MAST4: variants seen among roughly 807,000 people sequenced by gnomAD.
The protein encoded by MAST4 is microtubule-associated serine/threonine-protein kinase 4.
In MAST4, 89 loss-of-function variants were observed where a neutral mutation model predicts 162.7. That is an observed-to-expected ratio of 0.55 (90% CI 0.46 to 0.65). The LOEUF is 0.65. Among genes scored for constraint, MAST4 ranks in the 30% least tolerant of loss-of-function variants. The pLI, the probability that MAST4 is intolerant of heterozygous loss-of-function variation, is 0.00. For synonymous variants in MAST4, 1,479 were observed against 1,361.1 expected, an observed-to-expected ratio of 1.09 and a Z score of -1.91; for missense variants, 3,153 against 3,374.0, an observed-to-expected ratio of 0.93 and a Z score of 1.62.
At position 67,114,195 on chromosome 5, in the gene MAST4, G is replaced by A. The variant is rs1766601158; in HGVS notation, c.1567G>A (p.Gly523Arg). Residue 523 changes from glycine to arginine, a missense_variant, in exon 12 of 29, where the codon GGA becomes AGA. By Grantham distance (125) the Gly-to-Arg change is moderately radical. Coordinates refer to ENST00000403625, the MANE Select transcript of MAST4 (RefSeq NM_001164664.2). ...TCCCAGGTACATCATTAGCCAACTGGGACTCAATAAGGATCCCTTGGAAGG... is the reference window on the plus strand; with the variant it reads ...TCCCAGGTACATCATTAGCCAACTGAGACTCAATAAGGATCCCTTGGAAGG... The part of the protein sequence containing the change: ...DIPRYIISQL[G>R]LNKDPLEEMA... The A allele has an allele frequency of 6.2e-7, 1 of 1,611,406 alleles. No homozygotes were observed.
intron 4 of MAST4, chr5:66,986,468 A>G (rs1254908412): frequency 1.9e-6 from 3 of 1,573,808 alleles, no homozygotes; most frequent in Admixed American, 1.8e-5. Flanking sequence ...ATGCTGGGAG[A>G]ACATCACCCC....
intron 1 of MAST4, among the ~76,000 whole-genome samples, chr5:66,749,174 A>T (rs1752975936): frequency 6.6e-6 from 1 of 152,110 alleles, no homozygotes; most frequent in South Asian, 2.1e-4. Flanking sequence ...ATCACTTGTT[A>T]CTGAGTGTGT....
intron 1 of MAST4, among the ~76,000 whole-genome samples, chr5:66,745,955 G>A (rs754144843): frequency 1.4e-4 from 22 of 152,156 alleles, no homozygotes; most frequent in Non-Finnish European, 2.4e-4. Context: ...GAATACTGCG[G>A]GACTGCAGGA....
At chr5:66,816,892 A>G (rs1238663638) in intron 3 of MAST4, among the ~76,000 whole-genome samples, 1 of 152,126 alleles carries the variant, frequency 6.6e-6, no homozygotes, top group Non-Finnish European at 1.5e-5. Context: ...TTGTGGCCTT[A>G]GTTTTTTTGA....
At chr5:66,644,046 T>TA (rs11329809) in intron 1 of MAST4, among the ~76,000 whole-genome samples, 81,740 of 151,498 alleles carry the variant, frequency 0.54, 22,269 homozygotes, top group South Asian at 0.67. Flanking sequence ...CTGTAAGCTT[T>TA]AAAAAAAATC....
At chr5:66,932,358 A>T (rs1742277033) in intron 4 of MAST4, among the ~76,000 whole-genome samples, 1 of 152,132 alleles carries the variant, frequency 6.6e-6, no homozygotes, top group Non-Finnish European at 1.5e-5. Flanking sequence ...TCCATAGAAG[A>T]CTTCAGTTTC....
rs959628603 is a variant in MAST4 at position 66,927,106 on chromosome 5, A to G, written c.674+27124A>G. Among the ~76,000 whole-genome samples, 7 of 152,334 alleles carry G rather than the reference A, an allele frequency of 4.6e-5. No homozygotes were observed. The East Asian group carries it at 5.8e-4, about 13-fold the overall frequency. On this transcript the variant is annotated intron_variant, in intron 4 of 28. Transcript: ENST00000403625. Reference sequence around the variant, plus strand: ...TTCCTCTCGTTTTCTTTTATCATTAAAGGGTTTGGCTTTCTTCTCCAGCTT... The same window carrying G: ...TTCCTCTCGTTTTCTTTTATCATTAGAGGGTTTGGCTTTCTTCTCCAGCTT...
At chr5:67,158,021 C>T (rs1057223749) in intron 26 of MAST4, among the ~76,000 whole-genome samples, 1 of 152,192 alleles carries the variant, frequency 6.6e-6, no homozygotes, top group African/African-American at 2.4e-5. Context: ...TGGTTCTGCA[C>T]GTCCACTCTC....
chr5:66,844,210 G>C (rs977141739), intron 3 of MAST4, among the ~76,000 whole-genome samples: 10 of 146,896 alleles, frequency 6.8e-5, no homozygotes, highest in African/African-American at 2.5e-4. Context: ...GGGGCGGGGG[G>C]ATTATGGGTT....
intron 1 of MAST4, among the ~76,000 whole-genome samples, chr5:66,636,470 T>C (rs561613230): frequency 5.9e-5 from 9 of 152,140 alleles, no homozygotes; most frequent in Non-Finnish European, 1.0e-4. Context: ...AAAGCAAATA[T>C]GTGAGGGAGG....
At chr5:67,069,185 ATTTTC>A (rs1442215208) in intron 5 of MAST4, among the ~76,000 whole-genome samples, 1 of 150,944 alleles carries the variant, frequency 6.6e-6, no homozygotes, top group Non-Finnish European at 1.5e-5. Context: ...TTTCAGGTTA[ATTTTC>A]TTAAAGTTTT....
chr5:66,655,065 A>T (rs539000919), intron 1 of MAST4, among the ~76,000 whole-genome samples: 1 of 152,152 alleles, frequency 6.6e-6, no homozygotes, highest in Non-Finnish European at 1.5e-5. Context: ...TTTTGCATTC[A>T]TTCCTTGGTT....
intron 1 of MAST4, among the ~76,000 whole-genome samples, chr5:66,612,715 G>A (rs558283770): frequency 7.2e-4 from 109 of 152,276 alleles, no homozygotes; most frequent in African/African-American, 2.5e-3. Context: ...GGATTTATCT[G>A]TAAATCCTGA....
intron 3 of MAST4, among the ~76,000 whole-genome samples, chr5:66,851,193 A>G (rs190397333): frequency 1.8e-4 from 27 of 152,288 alleles, no homozygotes; most frequent in Middle Eastern, 3.4e-3. Flanking sequence ...TTATCTGTCT[A>G]TTATGTCCAA....
At chr5:66,715,276 T>A (rs1279043203) in intron 1 of MAST4, among the ~76,000 whole-genome samples, 1 of 152,180 alleles carries the variant, frequency 6.6e-6, no homozygotes, top group African/African-American at 2.4e-5. Context: ...TCTTAGAAAT[T>A]AGTCCTTTTG....
chr5:66,771,654 G>T (rs1374626037), intron 2 of MAST4, among the ~76,000 whole-genome samples: 1 of 151,946 alleles, frequency 6.6e-6, no homozygotes, highest in African/African-American at 2.4e-5. Flanking sequence ...AATGGGCTTT[G>T]GTCCTTCCCG....
chr5:66,953,809 T>A (rs1448602427), intron 4 of MAST4, among the ~76,000 whole-genome samples: 2 of 152,172 alleles, frequency 1.3e-5, no homozygotes, highest in East Asian at 3.9e-4. Context: ...GGATAATTCT[T>A]TGTTGTGGGG....
chr5:66,884,908 G>A (rs1308796065), intron 3 of MAST4, among the ~76,000 whole-genome samples: 1 of 152,210 alleles, frequency 6.6e-6, no homozygotes, highest in African/African-American at 2.4e-5. Context: ...GAAGGGCACA[G>A]TTAATAACGT....
intron 1 of MAST4, among the ~76,000 whole-genome samples, chr5:66,598,556 C>A (rs1742350084): frequency 6.6e-6 from 1 of 152,202 alleles, no homozygotes; most frequent in Non-Finnish European, 1.5e-5. Flanking sequence ...ACTGCCCCAG[C>A]CTTCCTCGCT....
Sources: gnomAD v4.1 joint callset for allele counts (sites outside exome capture counted in the v4.1 genomes callset) on GRCh38, gnomAD v4.1.1 for gene constraint, MANE v1.5 for transcripts, NCBI Gene and HGNC (gene_info 2026-07-23, HGNC 2026-07-21) for gene names.